Variants in RPH3A observed in about 807,000 individuals in gnomAD.
RPH3A encodes the protein rabphilin 3A, also known as rabphilin-3A.
Under a neutral mutation model 102.2 loss-of-function variants are expected in RPH3A, and 48 were observed. That is an observed-to-expected ratio of 0.47 (90% CI 0.37 to 0.60). The LOEUF is 0.60. Ranked by LOEUF, RPH3A falls within the 20% of genes least tolerant of loss-of-function variation. RPH3A has a pLI of 0.00. For missense variants in RPH3A, 781 were observed against 910.1 expected (o/e 0.86, Z 1.83); for synonymous variants, 310 against 324.3 (o/e 0.96, Z 0.47).
At chr12:112,738,135 C>T (rs1308526554) in intron 1 of RPH3A, among the ~76,000 whole-genome samples, 4 of 152,050 alleles carry the variant, frequency 2.6e-5, no homozygotes, top group Admixed American at 2.6e-4. Flanking sequence ...ATCACGTATC[C>T]TTCTTCCTTG....
chr12:112,845,086 C>T (rs1474606265), intron 4 of RPH3A, among the ~76,000 whole-genome samples: 4 of 152,174 alleles, frequency 2.6e-5, no homozygotes, highest in East Asian at 1.9e-4. Flanking sequence ...AGCCACACAG[C>T]GTCACTTCCA....
chr12:112,643,940 A>G (rs1320835567), intron 1 of RPH3A, among the ~76,000 whole-genome samples: 1 of 152,278 alleles, frequency 6.6e-6, no homozygotes, highest in East Asian at 1.9e-4. Flanking sequence ...AATGTAGTAT[A>G]TATACCATGG....
chr12:112,849,320 G>A (rs2042283067), intron 5 of RPH3A, among the ~76,000 whole-genome samples: 1 of 152,118 alleles, frequency 6.6e-6, no homozygotes, highest in African/African-American at 2.4e-5. Flanking sequence ...GAGGGGATAG[G>A]TCTGAGAGGC....
At chr12:112,634,086 C>T (rs188196926) in intron 1 of RPH3A, among the ~76,000 whole-genome samples, 3 of 152,276 alleles carry the variant, frequency 2.0e-5, no homozygotes, top group African/African-American at 4.8e-5. Context: ...CAGTGGCTCA[C>T]GCCTGTAAAC....
At chr12:112,848,292 G>C (rs1374057202) in intron 5 of RPH3A, among the ~76,000 whole-genome samples, 1 of 152,154 alleles carries the variant, frequency 6.6e-6, no homozygotes, top group African/African-American at 2.4e-5. Context: ...AAGGTTAGGA[G>C]GACAGAGAGT....
chr12:112,686,896 C>A (rs192006505), intron 1 of RPH3A, among the ~76,000 whole-genome samples: 1 of 152,162 alleles, frequency 6.6e-6, no homozygotes, highest in East Asian at 1.9e-4. Context: ...CTTTGGGAGG[C>A]TGACGTGGGA....
chr12:112,837,517 G>A (rs1319238855), intron 4 of RPH3A, among the ~76,000 whole-genome samples: 6 of 152,096 alleles, frequency 3.9e-5, no homozygotes, highest in Admixed American at 6.5e-5. Context: ...GGAGACCCAG[G>A]AAAATTCTTC....
chr12:112,602,769 G>A lies in RPH3A; in HGVS notation c.-140+27450G>A, dbSNP rs542699418. 8.6e-5 allele frequency among the ~76,000 whole-genome samples: 13 copies of A among 152,010 alleles called. 1 individual carries two copies. The highest frequency in any genetic ancestry group is 6.8e-3 in the Middle Eastern group (2 of 294). ...CACACCACTGCACTCCAGCCTGGGCGTCACACAATGGGACGCTATTAAAAG... is the reference window on the plus strand; with the variant it reads ...CACACCACTGCACTCCAGCCTGGGCATCACACAATGGGACGCTATTAAAAG... On this transcript the variant is annotated intron_variant, in intron 1 of 21. Transcript: ENST00000543106.
chr12:112,887,974 G>T (rs769631186), intron 17 of RPH3A, 51 bp downstream of exon 17: 2 of 1,599,628 alleles, frequency 1.3e-6, no homozygotes, highest in Admixed American at 3.4e-5. Flanking sequence ...GATTGGGGGA[G>T]CTGCCTTCCT....
At chr12:112,663,211 T>C (rs1344966534) in intron 1 of RPH3A, among the ~76,000 whole-genome samples, 24 of 152,010 alleles carry the variant, frequency 1.6e-4, no homozygotes, top group Middle Eastern at 3.4e-3. Context: ...GCCCATAAAT[T>C]CTTTGTTTTA....
At chr12:112,694,334 A>T (rs2136024413) in intron 1 of RPH3A, among the ~76,000 whole-genome samples, 1 of 152,220 alleles carries the variant, frequency 6.6e-6, no homozygotes, top group South Asian at 2.1e-4. Context: ...TATGCACACG[A>T]GGGGCAGTGA....
chr12:112,647,271 A>G (rs2135995025), intron 1 of RPH3A, among the ~76,000 whole-genome samples: 1 of 152,228 alleles, frequency 6.6e-6, no homozygotes, highest in Middle Eastern at 3.4e-3. Context: ...TGGGTTCTGG[A>G]GCCAGACTGT....
At chr12:112,836,201 T>C (rs1373213084) in intron 3 of RPH3A, among the ~76,000 whole-genome samples, 1 of 152,222 alleles carries the variant, frequency 6.6e-6, no homozygotes, top group Non-Finnish European at 1.5e-5. Context: ...CAGTGATTCC[T>C]TTTTAGTGCC....
At chr12:112,694,796 A>G (rs940123473) in intron 1 of RPH3A, among the ~76,000 whole-genome samples, 3 of 152,158 alleles carry the variant, frequency 2.0e-5, no homozygotes, top group East Asian at 1.9e-4. Context: ...CTCATCATCA[A>G]TTGCCTCATT....
chr12:112,838,577 GAGA>G (rs774294093), intron 4 of RPH3A, among the ~76,000 whole-genome samples: 7 of 152,208 alleles, frequency 4.6e-5, no homozygotes, highest in East Asian at 1.9e-4. Context: ...AAGGGAGGGG[GAGA>G]AGAAGAAAGA....
intron 1 of RPH3A, among the ~76,000 whole-genome samples, chr12:112,663,137 C>G (rs1042233295): frequency 1.3e-5 from 2 of 149,566 alleles, no homozygotes; most frequent in Non-Finnish European, 3.0e-5. Context: ...ATTAATTAAG[C>G]TTCTGGATTA....
intron 2 of RPH3A, among the ~76,000 whole-genome samples, chr12:112,802,081 G>A (rs559932497): frequency 2.4e-4 from 37 of 152,036 alleles, no homozygotes; most frequent in African/African-American, 8.2e-4. Context: ...TTTTCTCTGC[G>A]CTGGCCAGCT....
At chr12:112,622,209 A>G (rs1225365879) in intron 1 of RPH3A, among the ~76,000 whole-genome samples, 1 of 94,838 alleles carries the variant, frequency 1.1e-5, no homozygotes, top group Non-Finnish European at 1.8e-5. Flanking sequence ...CTGGATGGAG[A>G]ATGATTTTGA....
intron 1 of RPH3A, among the ~76,000 whole-genome samples, chr12:112,710,530 T>G (rs1410087043): frequency 6.6e-6 from 1 of 152,190 alleles, no homozygotes; most frequent in Non-Finnish European, 1.5e-5. Flanking sequence ...GCCAGTTCCC[T>G]TTCAGGCCCA....
Sources: gnomAD v4.1 joint callset for allele counts (sites outside exome capture counted in the v4.1 genomes callset) on GRCh38, gnomAD v4.1.1 for gene constraint, MANE v1.5 for transcripts, NCBI Gene and HGNC (gene_info 2026-07-23, HGNC 2026-07-21) for gene names.